The following LCMT1 variants were observed in gnomAD, a reference collection of about 807,000 sequenced individuals.
The protein encoded by LCMT1 is [Phosphatase 2A protein]-leucine-carboxy methyltransferase 1.
A neutral mutation model predicts 47.7 loss-of-function variants in LCMT1; 32 were observed. The observed-to-expected ratio is 0.67, with a 90% CI of 0.51 to 0.90. The LOEUF (loss-of-function observed/expected upper bound fraction) is 0.90. LCMT1 is among the 40% of genes least tolerant of loss of function. The probability of loss-of-function intolerance (pLI) is 0.00; values close to 1 mark genes in which losing one functional copy is unlikely to be tolerated. For missense variants in LCMT1, 375 were observed against 415.2 expected (o/e 0.90, Z 0.84); for synonymous variants, 152 against 149.7 (o/e 1.02, Z -0.11).
chr16:25,114,001 A>G (rs1235425411), intron 1 of LCMT1, among the ~76,000 whole-genome samples: 1 of 152,238 alleles, frequency 6.6e-6, no homozygotes, highest in Non-Finnish European at 1.5e-5. Flanking sequence ...ATTAAATGAG[A>G]TTATCGATGC....
chr16:25,111,777 C>T lies in LCMT1; in HGVS notation c.-107C>T, dbSNP rs529985770. ...CGCGCCAGCTGAGCCAGGTAGGGCC[C>T]TACCCTCTTCTGTTGCTTTCTCCCT... On this transcript the variant is annotated 5_prime_UTR_variant, in exon 1 of 11. Coordinates refer to ENST00000399069, the MANE Select transcript of LCMT1 (RefSeq NM_016309.3). The T allele has an allele frequency of 5.2e-6, 4 of 764,474 alleles. No individual in the cohort carries two copies. The highest frequency in any genetic ancestry group is 1.6e-5 in the South Asian group (1 of 63,796). The allele number at this position is 764,474 out of a possible 1,614,324, so 47.4% of individuals were successfully genotyped here. A position where few individuals can be genotyped will look rare whatever the true frequency, so the allele number is the denominator to read the frequency against.
chr16:25,136,172 A>C (rs1251079800), intron 3 of LCMT1, among the ~76,000 whole-genome samples: 1 of 151,904 alleles, frequency 6.6e-6, no homozygotes, highest in Non-Finnish European at 1.5e-5. Flanking sequence ...GTGTCTCCAG[A>C]ATTCTGTTTC....
At chr16:25,135,537 G>T (rs1960479749) in intron 3 of LCMT1, among the ~76,000 whole-genome samples, 1 of 152,190 alleles carries the variant, frequency 6.6e-6, no homozygotes, top group Non-Finnish European at 1.5e-5. Context: ...GCTCTTTACA[G>T]AAGCAGTTTG....
At chr16:25,141,516 T>A (rs1960693169) in intron 4 of LCMT1, 1 of 152,156 alleles carries the variant, frequency 6.6e-6, no homozygotes, top group Non-Finnish European at 1.5e-5. Context: ...CACCTAATTT[T>A]TTTTTCTTTT....
intron 3 of LCMT1, among the ~76,000 whole-genome samples, chr16:25,137,316 G>A (rs1960531554): frequency 6.6e-6 from 1 of 152,102 alleles, no homozygotes; most frequent in Admixed American, 6.5e-5. Flanking sequence ...TTACAGGCGT[G>A]AGCCACTGCA....
chr16:25,160,663 C>A, intron 5 of LCMT1: 1 of 464,912 alleles, frequency 2.2e-6, no homozygotes, highest in Non-Finnish European at 4.4e-6. Flanking sequence ...AATACCATGT[C>A]TCATAGTGAG....
chr16:25,170,908 T>G (rs1961745619), intron 9 of LCMT1, 103 bp downstream of exon 9: 2 of 794,952 alleles, frequency 2.5e-6, no homozygotes, highest in Non-Finnish European at 4.0e-6. Context: ...ATGTGGAGAT[T>G]TCATTAAAAA....
chr16:25,132,178 A>C lies in LCMT1; in HGVS notation c.206-224A>C, dbSNP rs148117144. On this transcript the variant is annotated intron_variant, in intron 2 of 10. Transcript: ENST00000399069. ...TAGCTCATTTTTTCAAAGGTAGTTA[A>C]TTGCTTCATGAAATAGATTATACTT... The C allele has an allele frequency of 1.2e-3, 652 of 553,922 alleles. 5 individuals carry two copies. Among genetic ancestry groups the C allele is most frequent in the African/African-American group, 0.011 (600 of 53,434 alleles). The allele number at this position is 553,922 out of a possible 1,614,324, so 34.3% of individuals were successfully genotyped here. A position where few individuals can be genotyped will look rare whatever the true frequency, so the allele number is the denominator to read the frequency against.
At position 25,124,123 on chromosome 16, in the gene LCMT1, C is replaced by T. The variant is rs528170457; in HGVS notation, c.114-4352C>T. 1.3e-4 allele frequency among the ~76,000 whole-genome samples: 20 copies of T among 152,286 alleles called. No individual in the cohort carries two copies. In the South Asian group the frequency reaches 3.5e-3, roughly 27 times the overall value. On this transcript the variant is annotated intron_variant, in intron 1 of 10. Coordinates refer to ENST00000399069, the MANE Select transcript of LCMT1 (RefSeq NM_016309.3). The stretch of plus-strand genomic sequence containing the variant: ...ATCCTAGGAAAGGACATCTGTCTCT[C>T]AAGAGTCCATTTCCTTTCATCAGGA...
intron 5 of LCMT1, among the ~76,000 whole-genome samples, chr16:25,154,878 C>T (rs1471797718): frequency 3.3e-5 from 5 of 151,952 alleles, no homozygotes; most frequent in Non-Finnish European, 7.4e-5. Context: ...TGTGTCTCAT[C>T]GGTGAATTTT....
chr16:25,160,773 GT>G (rs774077119), intron 5 of LCMT1: 2 of 542,118 alleles, frequency 3.7e-6, no homozygotes, highest in Non-Finnish European at 7.3e-6. Context: ...AGGAAAAGCA[GT>G]TTTCAAACCA....
intron 7 of LCMT1, among the ~76,000 whole-genome samples, chr16:25,167,220 A>G (rs1258519597): frequency 6.6e-6 from 1 of 152,176 alleles, no homozygotes; most frequent in Non-Finnish European, 1.5e-5. Context: ...CATTTAAGTT[A>G]ATTCAGTGGT....
chr16:25,165,731 G>C (rs557056801), intron 7 of LCMT1, among the ~76,000 whole-genome samples: 2 of 151,790 alleles, frequency 1.3e-5, no homozygotes, highest in East Asian at 3.9e-4. Context: ...TGGCCAGGCT[G>C]GTCTCGAACT....
At position 25,149,385 on chromosome 16, in the gene LCMT1, ACT is replaced by A. The variant is rs1960997225; in HGVS notation, c.405-2167_405-2166del. 2.0e-5 allele frequency among the ~76,000 whole-genome samples: 3 copies of A among 152,014 alleles called. No individual in the cohort carries two copies. In the South Asian group the frequency reaches 6.2e-4, roughly 32 times the overall value. On this transcript the variant is annotated intron_variant, in intron 4 of 10. Transcript: ENST00000399069. ...TCAGTGTTCCTTCCTGGGATGAGAC[ACT>A]CCACCACCTTGGTTTGATATTTAGA...
intron 1 of LCMT1, among the ~76,000 whole-genome samples, chr16:25,121,272 T>G (rs1036921326): frequency 2.7e-5 from 4 of 150,880 alleles, no homozygotes; most frequent in Non-Finnish European, 5.9e-5. Flanking sequence ...TAGTTGGGGG[T>G]GGTGGTGGGA....
chr16:25,137,191 T>C (rs530100130), intron 3 of LCMT1, among the ~76,000 whole-genome samples: 1 of 152,148 alleles, frequency 6.6e-6, no homozygotes, highest in South Asian at 2.1e-4. Context: ...CCTACCACCA[T>C]GCCCAGCTAA....
intron 10 of LCMT1, among the ~76,000 whole-genome samples, chr16:25,175,997 T>C (rs1436028665): frequency 6.6e-6 from 1 of 152,206 alleles, no homozygotes; most frequent in Admixed American, 6.5e-5. Context: ...GCGTTTGTCT[T>C]TTCCATCCAC....
intron 2 of LCMT1, among the ~76,000 whole-genome samples, chr16:25,131,309 A>C (rs1215310118): frequency 6.6e-6 from 1 of 152,056 alleles, no homozygotes; most frequent in Non-Finnish European, 1.5e-5. Context: ...AAAGACCCCC[A>C]CCCCACGCCC....
intron 1 of LCMT1, among the ~76,000 whole-genome samples, chr16:25,122,521 G>A (rs1960023620): frequency 6.6e-6 from 1 of 151,942 alleles, no homozygotes; most frequent in African/African-American, 2.4e-5. Flanking sequence ...TAGAGATGGG[G>A]TCTTACTTTG....
Sources: gnomAD v4.1 joint callset for allele counts (sites outside exome capture counted in the v4.1 genomes callset) on GRCh38, gnomAD v4.1.1 for gene constraint, MANE v1.5 for transcripts, NCBI Gene and HGNC (gene_info 2026-07-23, HGNC 2026-07-21) for gene names.